ADK: variants seen among roughly 807,000 people sequenced by gnomAD.
ADK encodes the protein adenosine kinase, also known as N6,N6-dimethyladenosine kinase.
Under a neutral mutation model 44.7 loss-of-function variants are expected in ADK, and 24 were observed. That is an observed-to-expected ratio of 0.54 (90% CI 0.39 to 0.76). The LOEUF is 0.76. ADK is among the 30% of genes least tolerant of loss of function. The pLI is 0.00. For missense variants in ADK, 321 were observed against 425.1 expected (o/e 0.76, Z 2.15); for synonymous variants, 128 against 142.6 (o/e 0.90, Z 0.73).
At chr10:74,577,397 A>G (rs1173034658) in intron 7 of ADK, among the ~76,000 whole-genome samples, 1 of 152,134 alleles carries the variant, frequency 6.6e-6, no homozygotes, top group Non-Finnish European at 1.5e-5. Context: ...CTGGCAAGAA[A>G]GAAGAAAATA....
intron 2 of ADK, among the ~76,000 whole-genome samples, chr10:74,202,221 A>G (rs1027425284): frequency 2.0e-5 from 3 of 152,068 alleles, no homozygotes; most frequent in Admixed American, 2.0e-4. Context: ...TATATATATG[A>G]CCTTTTGTGT....
At chr10:74,375,158 A>G (rs1842779539) in intron 4 of ADK, among the ~76,000 whole-genome samples, 1 of 152,142 alleles carries the variant, frequency 6.6e-6, no homozygotes, top group Non-Finnish European at 1.5e-5. Flanking sequence ...TCTTTTTTGT[A>G]AAAGAATTCT....
rs56019791 is a variant in ADK at position 74,606,864 on chromosome 10, T to G, written c.877+6371T>G. Among the ~76,000 whole-genome samples, 1,292 of 152,302 alleles carry G rather than the reference T, an allele frequency of 8.5e-3. 8 individuals carry two copies. Among genetic ancestry groups the G allele is most frequent in the Non-Finnish European group, 0.013 (853 of 68,016 alleles). On this transcript the variant is annotated intron_variant, in intron 9 of 10. Transcript: ENST00000539909. ...CTCCCACTATTATTGTGTGGGAGTC[T>G]AGGTCTCTTTGTAGGTCTCTAAGAA... is the stretch of plus-strand genomic sequence containing the variant.
At chr10:74,241,035 G>A (rs967837377) in intron 3 of ADK, among the ~76,000 whole-genome samples, 1 of 152,170 alleles carries the variant, frequency 6.6e-6, no homozygotes, top group Admixed American at 6.5e-5. Context: ...TTATCAGTAA[G>A]ACTGATTTGG....
At chr10:74,389,461 C>T (rs1843264323) in intron 4 of ADK, among the ~76,000 whole-genome samples, 1 of 152,078 alleles carries the variant, frequency 6.6e-6, no homozygotes, top group African/African-American at 2.4e-5. Flanking sequence ...TAACAGAAAT[C>T]TTTGCAAATT....
intron 7 of ADK, among the ~76,000 whole-genome samples, chr10:74,547,995 T>C (rs1849899604): frequency 6.6e-6 from 1 of 152,176 alleles, no homozygotes; most frequent in Non-Finnish European, 1.5e-5. Flanking sequence ...GGTTTCATCA[T>C]GTTGGCCATG....
At chr10:74,312,070 G>T (rs1251094450) in intron 3 of ADK, among the ~76,000 whole-genome samples, 1 of 152,104 alleles carries the variant, frequency 6.6e-6, no homozygotes, top group Non-Finnish European at 1.5e-5. Context: ...GGAGGCTGAG[G>T]CAGGAGAATC....
intron 4 of ADK, among the ~76,000 whole-genome samples, chr10:74,351,132 A>G (rs1386150017): frequency 6.6e-6 from 1 of 152,196 alleles, no homozygotes; most frequent in Non-Finnish European, 1.5e-5. Flanking sequence ...CAAAAAAAGA[A>G]AATTTCAGGC....
At chr10:74,326,289 A>T (rs952616324) in intron 4 of ADK, among the ~76,000 whole-genome samples, 4 of 152,160 alleles carry the variant, frequency 2.6e-5, no homozygotes, top group Admixed American at 1.3e-4. Context: ...TTTGAGAAGA[A>T]TTCGTATTAG....
chr10:74,348,548 C>G (rs536952576), intron 4 of ADK, among the ~76,000 whole-genome samples: 7 of 152,050 alleles, frequency 4.6e-5, no homozygotes, highest in African/African-American at 1.7e-4. Context: ...AATTGCAGCT[C>G]CTCTCCAGCA....
intron 3 of ADK, among the ~76,000 whole-genome samples, chr10:74,303,585 GTTGTTTT>G (rs1337447451): frequency 0.085 from 5,500 of 64,454 alleles, 770 homozygotes; most frequent in Middle Eastern, 0.2. Context: ...TGGTTTTAAT[GTTGTTTT>G]TTTTTTTTTT....
At chr10:74,542,020 C>T (rs1401550619) in intron 7 of ADK, among the ~76,000 whole-genome samples, 2 of 151,324 alleles carry the variant, frequency 1.3e-5, no homozygotes, top group African/African-American at 2.4e-5. Flanking sequence ...GAGGACAGAT[C>T]GCTTGGGCTT....
At chr10:74,476,964 C>T (rs1489878344) in intron 6 of ADK, among the ~76,000 whole-genome samples, 1 of 152,034 alleles carries the variant, frequency 6.6e-6, no homozygotes, top group African/African-American at 2.4e-5. Context: ...TTGTGTGAAT[C>T]AAGTTTGTGT....
At position 74,312,932 on chromosome 10, in the gene ADK, A is replaced by AAAAAG. The variant is rs1840492815; in HGVS notation, c.195-1731_195-1730insGAAAA. On this transcript the variant is annotated intron_variant, in intron 3 of 10. Transcript: ENST00000539909. ...CTGTCTCCAAAAAAAAAAAAAAAAA[A>AAAAAG]AAAAAAAAGTTAATGTTTTTAGCTT... is the stretch of plus-strand genomic sequence containing the variant. 1.0e-4 allele frequency among the ~76,000 whole-genome samples: 15 copies of AAAAAG among 150,444 alleles called. 1 individual carries two copies. Among genetic ancestry groups the AAAAAG allele is most frequent in the Admixed American group, 5.3e-4 (8 of 15,094 alleles).
intron 10 of ADK, among the ~76,000 whole-genome samples, chr10:74,677,850 A>G (rs1855449210): frequency 6.6e-6 from 1 of 150,558 alleles, no homozygotes; most frequent in East Asian, 2.0e-4. Context: ...GAAACAGACC[A>G]GGCATGGTGG....
chr10:74,450,465 G>A (rs1294916684), intron 6 of ADK, among the ~76,000 whole-genome samples: 2 of 152,046 alleles, frequency 1.3e-5, no homozygotes, highest in Admixed American at 6.5e-5. Context: ...TTATTGCCTT[G>A]CATTAAAAAG....
chr10:74,433,684 A>ATCT (rs1845079262), intron 6 of ADK, among the ~76,000 whole-genome samples: 1 of 151,568 alleles, frequency 6.6e-6, no homozygotes, highest in African/African-American at 2.4e-5. Context: ...TAATCATTTA[A>ATCT]GTCAGTCATT....
intron 6 of ADK, among the ~76,000 whole-genome samples, chr10:74,433,255 A>G (rs564023087): frequency 4.6e-5 from 7 of 152,340 alleles, no homozygotes; most frequent in East Asian, 1.9e-4. Flanking sequence ...CTACTTCCAC[A>G]CTGTTTGTTT....
At chr10:74,322,716 C>T (rs1840858375) in intron 4 of ADK, among the ~76,000 whole-genome samples, 1 of 151,602 alleles carries the variant, frequency 6.6e-6, no homozygotes, top group South Asian at 2.1e-4. Context: ...TCTCTCCTTT[C>T]CTTGTCTCTC....
Sources: gnomAD v4.1 joint callset for allele counts (sites outside exome capture counted in the v4.1 genomes callset) on GRCh38, gnomAD v4.1.1 for gene constraint, MANE v1.5 for transcripts, NCBI Gene and HGNC (gene_info 2026-07-23, HGNC 2026-07-21) for gene names.